SLC2A10: variants seen among roughly 807,000 people sequenced by gnomAD.
SLC2A10 encodes solute carrier family 2, facilitated glucose transporter member 10.
Under a neutral mutation model 32.1 loss-of-function variants are expected in SLC2A10, and 25 were observed. That is an observed-to-expected ratio of 0.78 (90% CI 0.57 to 1.09). The LOEUF (loss-of-function observed/expected upper bound fraction) is 1.09. Ranked by LOEUF, SLC2A10 falls within the 50% of genes least tolerant of loss-of-function variation. The probability of loss-of-function intolerance (pLI) is 0.00; values close to 1 mark genes in which losing one functional copy is unlikely to be tolerated. For missense variants in SLC2A10, 673 were observed against 686.5 expected (o/e 0.98, Z 0.22); for synonymous variants, 332 against 309.6 (o/e 1.07, Z -0.76).
intron 4 of SLC2A10, 65 bp downstream of exon 4, chr20:46,729,553 G>C: frequency 6.4e-7 from 1 of 1,564,112 alleles, no homozygotes; most frequent in East Asian, 2.3e-5. Context: ...ACAGCTTCAG[G>C]ATTTTAGTCT....
rs1484860704 is a variant in SLC2A10 at position 46,735,084 on chromosome 20, G to A, written c.*1250G>A. Reference sequence around the variant, plus strand: ...GGTCCCTCCTTTGGACCCTGTAAAGGGTCAGGGTGAATCAGATGGGGGACT... The same window carrying A: ...GGTCCCTCCTTTGGACCCTGTAAAGAGTCAGGGTGAATCAGATGGGGGACT... On this transcript the variant is annotated 3_prime_UTR_variant, in exon 5 of 5. Coordinates refer to ENST00000359271, the MANE Select transcript of SLC2A10 (RefSeq NM_030777.4). 1 of 152,560 alleles carries A rather than the reference G, an allele frequency of 6.6e-6. No homozygotes were observed. Among genetic ancestry groups the A allele is most frequent in the African/African-American group, 2.4e-5 (1 of 41,416 alleles). 9.5% of individuals were successfully genotyped at this position (152,560 alleles called of 1,614,324 possible). A position where few individuals can be genotyped will look rare whatever the true frequency, so the allele number is the denominator to read the frequency against.
chr20:46,730,634 C>G (rs529920333), intron 4 of SLC2A10, among the ~76,000 whole-genome samples: 2 of 152,248 alleles, frequency 1.3e-5, no homozygotes, highest in East Asian at 3.9e-4. Context: ...GTGCCTGGAA[C>G]AGAGGGAGGA....
At chr20:46,720,886 A>G (rs1979512997) in intron 1 of SLC2A10, among the ~76,000 whole-genome samples, 1 of 152,208 alleles carries the variant, frequency 6.6e-6, no homozygotes, top group Admixed American at 6.5e-5. Context: ...GCTGTTTAAC[A>G]AAACACTCCA....
At chr20:46,717,613 G>T (rs1979326557) in intron 1 of SLC2A10, among the ~76,000 whole-genome samples, 1 of 152,160 alleles carries the variant, frequency 6.6e-6, no homozygotes, top group African/African-American at 2.4e-5. Flanking sequence ...TCGAACTCCT[G>T]ACCACAGGTG....
intron 4 of SLC2A10, among the ~76,000 whole-genome samples, chr20:46,732,752 C>T (rs1457304613): frequency 6.7e-6 from 1 of 150,244 alleles, no homozygotes; most frequent in Non-Finnish European, 1.5e-5. Flanking sequence ...ATATCTCTGG[C>T]TGAATGAATG....
rs988227077 is a variant in SLC2A10, at chr20:46,736,328, A to C, written c.*2494A>C. On this transcript the variant is annotated 3_prime_UTR_variant, in exon 5 of 5. Coordinates refer to ENST00000359271, the MANE Select transcript of SLC2A10 (RefSeq NM_030777.4). ...ACAATAAAGAGTATTTACAATAAAG[A>C]GTTTGTTATTATTTGTAAATTGTGT... 2 of 152,146 alleles carry C rather than the reference A, an allele frequency of 1.3e-5. No individual in the cohort carries two copies. Among genetic ancestry groups the C allele is most frequent in the South Asian group, 4.1e-4 (2 of 4,830 alleles). 9.4% of individuals were successfully genotyped at this position (152,146 alleles called of 1,614,324 possible).
rs1488882150 is a variant in SLC2A10 at position 46,725,131 on chromosome 20, C to G, written c.95C>G (p.Ala32Gly). The G allele has an allele frequency of 1.2e-6, 2 of 1,614,098 alleles. No individual in the cohort carries two copies. The highest frequency in any genetic ancestry group is 1.7e-6 in the Non-Finnish European group (2 of 1,180,056). ...TATGAACTGGCAGTCATATCAGGTG[C>G]CCTGCTGCCACTGCAGCTTGACTTT... ...FGYELAVISG[A>G]LLPLQLDFGL... The change falls in exon 2 of 5, where the codon GCC becomes GGC. Residue 32 changes from alanine to glycine, a missense_variant. By Grantham distance (60) the Ala-to-Gly change is moderately conservative (BLOSUM62 0). Coordinates refer to ENST00000359271, the MANE Select transcript of SLC2A10 (RefSeq NM_030777.4).
intron 1 of SLC2A10, among the ~76,000 whole-genome samples, chr20:46,721,903 C>T (rs1035140596): frequency 2.0e-5 from 3 of 152,180 alleles, no homozygotes; most frequent in Non-Finnish European, 4.4e-5. Context: ...GGCTCTTCCT[C>T]AAAGGAAAAG....
intron 1 of SLC2A10, among the ~76,000 whole-genome samples, chr20:46,722,134 A>T (rs1979589419): frequency 1.3e-5 from 1 of 79,678 alleles, no homozygotes; most frequent in Admixed American, 1.8e-4. Flanking sequence ...TTTCTCTTTA[A>T]AAAAAAAACC....
intron 1 of SLC2A10, among the ~76,000 whole-genome samples, chr20:46,712,189 G>A (rs1157282669): frequency 1.3e-5 from 2 of 152,204 alleles, no homozygotes; most frequent in Non-Finnish European, 2.9e-5. Context: ...AGCTGTGGCT[G>A]CAATTGCTGG....
intron 1 of SLC2A10, among the ~76,000 whole-genome samples, chr20:46,721,938 C>A (rs915737642): frequency 2.0e-5 from 3 of 152,132 alleles, no homozygotes; most frequent in Non-Finnish European, 2.9e-5. Context: ...GAAGAAGTAA[C>A]AAATGTTTAC....
At chr20:46,716,078 GC>G (rs1979219158) in intron 1 of SLC2A10, among the ~76,000 whole-genome samples, 1 of 151,850 alleles carries the variant, frequency 6.6e-6, no homozygotes, top group African/African-American at 2.4e-5. Flanking sequence ...TAAGTGAGTT[GC>G]TTTACCCCCC....
At chr20:46,726,714 G>A in intron 2 of SLC2A10, 150 bp from the exon 3 acceptor site, 1 of 1,104,118 alleles carries the variant, frequency 9.1e-7, no homozygotes, top group South Asian at 1.3e-5. Context: ...AGACTCTACT[G>A]TAATTCTTAT....
At position 46,716,153 on chromosome 20, in the gene SLC2A10, C is replaced by CT. The variant is rs1022913083; in HGVS notation, c.4+6430dup. On this transcript the variant is annotated intron_variant, in intron 1 of 4. Transcript: ENST00000359271. ...CTACCTCATAACGTTGGGGTGAGAA[C>CT]TTTTTTTTTTTTTTTTTGAGACAGG... Among the ~76,000 whole-genome samples, 748 of 136,668 alleles carry CT rather than the reference C, an allele frequency of 5.5e-3. 2 individuals are homozygous for CT. The highest frequency in any genetic ancestry group is 6.1e-3 in the East Asian group (29 of 4,728). 89.7% of individuals were successfully genotyped at this position (136,668 alleles called of 152,430 possible).
At chr20:46,727,695 G>C (rs1053510621) in intron 3 of SLC2A10, among the ~76,000 whole-genome samples, 4 of 152,136 alleles carry the variant, frequency 2.6e-5, no homozygotes, top group Non-Finnish European at 5.9e-5. Flanking sequence ...GGTGTGGTGG[G>C]ATGGGGTGGA....
chr20:46,709,771 A>AG (rs1227627663), intron 1 of SLC2A10, 31 bp downstream of exon 1: 1 of 1,546,854 alleles, frequency 6.5e-7, no homozygotes, highest in Non-Finnish European at 8.7e-7. Context: ...GCCTGCTGGA[A>AG]GCCCGACCCC....
chr20:46,712,659 T>C (rs1978995520), intron 1 of SLC2A10, among the ~76,000 whole-genome samples: 1 of 141,872 alleles, frequency 7.0e-6, no homozygotes, highest in Admixed American at 7.0e-5. Flanking sequence ...TTCTTTTTTT[T>C]TTTTTTTTTT....
chr20:46,734,409 G>C lies in SLC2A10; in HGVS notation c.*575G>C, dbSNP rs889867685. The C allele has an allele frequency of 1.8e-5, 3 of 168,050 alleles. No individual in the cohort carries two copies. The highest frequency in any genetic ancestry group is 7.2e-5 in the African/African-American group (3 of 41,436). The allele number at this position is 168,050 out of a possible 1,614,324, so 10.4% of individuals were successfully genotyped here. Reference sequence around the variant, plus strand: ...TTCTTGTGCCTCAGCCTCCTAAGCAGCTGGGACTACAGGCGCATGCAACCA... The same window carrying C: ...TTCTTGTGCCTCAGCCTCCTAAGCACCTGGGACTACAGGCGCATGCAACCA... On this transcript the variant is annotated 3_prime_UTR_variant, in exon 5 of 5. Coordinates refer to ENST00000359271, the MANE Select transcript of SLC2A10 (RefSeq NM_030777.4).
At position 46,729,587 on chromosome 20, in the gene SLC2A10, G is replaced by A. The variant is rs1316635233; in HGVS notation, c.1547+99G>A. The A allele has an allele frequency of 2.3e-6, 3 of 1,290,302 alleles. No homozygotes were observed. In the African/African-American group the frequency reaches 4.4e-5, roughly 19 times the overall value. 79.9% of individuals were successfully genotyped at this position (1,290,302 alleles called of 1,614,324 possible). On this transcript the variant is annotated intron_variant, in intron 4 of 4. Transcript: ENST00000359271. ...CTTTGTGCTTTCCTTTTGCAAGCGGGCATTCCTCCTGTCTTCCTTATTGCC... is the reference window on the plus strand; with the variant it reads ...CTTTGTGCTTTCCTTTTGCAAGCGGACATTCCTCCTGTCTTCCTTATTGCC...
Sources: gnomAD v4.1 joint callset for allele counts (sites outside exome capture counted in the v4.1 genomes callset) on GRCh38, gnomAD v4.1.1 for gene constraint, MANE v1.5 for transcripts, NCBI Gene and HGNC (gene_info 2026-07-23, HGNC 2026-07-21) for gene names.